LGR6: variants seen among roughly 807,000 people sequenced by gnomAD.
The protein encoded by LGR6 is leucine-rich repeat-containing G protein-coupled receptor 6.
In LGR6, 45 loss-of-function variants were observed where a neutral mutation model predicts 69.4. That is an observed-to-expected ratio of 0.65 (90% CI 0.51 to 0.83). The LOEUF is 0.83. LGR6 is among the 40% of genes least tolerant of loss of function. The probability of loss-of-function intolerance (pLI) is 0.00; values close to 1 mark genes in which losing one functional copy is unlikely to be tolerated. For synonymous variants in LGR6, 538 were observed against 555.0 expected (o/e 0.97, Z 0.43); for missense variants, 1,108 against 1,246.7 (o/e 0.89, Z 1.68).
intron 1 of LGR6, among the ~76,000 whole-genome samples, chr1:202,205,561 C>T (rs376939412): frequency 6.9e-6 from 1 of 144,050 alleles, no homozygotes; most frequent in African/African-American, 2.6e-5. Context: ...ATATGCACAC[C>T]TCCTTCAAAC....
At chr1:202,229,087 G>A (rs1332788101) in intron 3 of LGR6, among the ~76,000 whole-genome samples, 1 of 152,180 alleles carries the variant, frequency 6.6e-6, no homozygotes, top group Non-Finnish European at 1.5e-5. Context: ...TGATGGGCTA[G>A]TGGTGGTCCT....
intron 17 of LGR6, 58 bp from the exon 18 acceptor site, chr1:202,317,894 C>T: frequency 6.0e-6 from 9 of 1,492,040 alleles, no homozygotes; most frequent in Non-Finnish European, 7.2e-6. Context: ...GACCTTGGTC[C>T]TGAAGACCTG....
chr1:202,303,003 G>A (rs1010875695), intron 9 of LGR6, among the ~76,000 whole-genome samples: 1 of 152,112 alleles, frequency 6.6e-6, no homozygotes, highest in African/African-American at 2.4e-5. Flanking sequence ...GCTTGCATGT[G>A]GGGTTTTTGC....
At chr1:202,214,190 G>A (rs1379987655) in intron 1 of LGR6, 4 of 1,533,176 alleles carry the variant, frequency 2.6e-6, no homozygotes, top group Admixed American at 2.3e-5. Flanking sequence ...CAGCGAGGGC[G>A]GGACAGAACC....
chr1:202,303,655 A>C (rs1465400694), intron 10 of LGR6, among the ~76,000 whole-genome samples: 1 of 152,226 alleles, frequency 6.6e-6, no homozygotes, highest in Non-Finnish European at 1.5e-5. Flanking sequence ...GATGGAGAGG[A>C]GGGTTGTGAA....
At chr1:202,305,423 TCAC>T (rs770070096) in intron 11 of LGR6, among the ~76,000 whole-genome samples, 16 of 152,142 alleles carry the variant, frequency 1.1e-4, no homozygotes, top group Non-Finnish European at 4.4e-5. Context: ...TGTTTCCTCT[TCAC>T]CACGCCCCTC....
chr1:202,194,413 AC>A, intron 1 of LGR6: 1 of 591,392 alleles, frequency 1.7e-6, no homozygotes, highest in South Asian at 2.1e-5. Context: ...GGCTTCCCTG[AC>A]TTGGCTTCCC....
At chr1:202,284,192 G>C (rs573990160) in intron 6 of LGR6, among the ~76,000 whole-genome samples, 1 of 152,180 alleles carries the variant, frequency 6.6e-6, no homozygotes, top group African/African-American at 2.4e-5. Flanking sequence ...TCGTAGGAAG[G>C]AAGCTCCCAG....
intron 1 of LGR6, among the ~76,000 whole-genome samples, chr1:202,198,666 AG>A (rs1309964505): frequency 1.1e-3 from 80 of 75,156 alleles, no homozygotes; most frequent in African/African-American, 3.5e-3. Flanking sequence ...GAGTAATTTT[AG>A]GTTTTTTTTT....
intron 4 of LGR6, among the ~76,000 whole-genome samples, chr1:202,247,308 C>G (rs930189924): frequency 1.3e-5 from 2 of 152,204 alleles, no homozygotes; most frequent in Non-Finnish European, 2.9e-5. Context: ...TAACAGGACC[C>G]ATCCCTCCAC....
chr1:202,276,141 G>A (rs1450709523), intron 4 of LGR6, 165 bp from the exon 5 acceptor site: 1 of 593,310 alleles, frequency 1.7e-6, no homozygotes, highest in Non-Finnish European at 3.0e-6. Flanking sequence ...AGCCAAATAT[G>A]GGAACTCGAA....
At chr1:202,316,921 G>A (rs779557156) in intron 17 of LGR6, among the ~76,000 whole-genome samples, 3 of 152,130 alleles carry the variant, frequency 2.0e-5, no homozygotes, top group South Asian at 2.1e-4. Context: ...CACGCATCTC[G>A]TGTGGACCTA....
chr1:202,223,861 C>T (rs1660327972), intron 1 of LGR6, among the ~76,000 whole-genome samples: 1 of 143,766 alleles, frequency 7.0e-6, no homozygotes, highest in African/African-American at 2.5e-5. Context: ...AAGGCACCAG[C>T]CCCTCTCCCA....
chr1:202,297,155 A>G (rs977314596), intron 6 of LGR6, among the ~76,000 whole-genome samples: 4 of 152,108 alleles, frequency 2.6e-5, no homozygotes, highest in African/African-American at 9.7e-5. Flanking sequence ...GATGTTAACG[A>G]TCACCCACTT....
intron 17 of LGR6, among the ~76,000 whole-genome samples, chr1:202,315,411 G>A (rs563252771): frequency 3.8e-4 from 58 of 152,300 alleles, no homozygotes; most frequent in African/African-American, 1.2e-3. Context: ...TTATAGTTGC[G>A]GAAGCCTCCT....
chr1:202,260,751 AT>A (rs1173282862), intron 4 of LGR6, among the ~76,000 whole-genome samples: 4 of 152,120 alleles, frequency 2.6e-5, no homozygotes, highest in Non-Finnish European at 5.9e-5. Flanking sequence ...TTGAGAATAT[AT>A]TTTTTTGTGG....
At chr1:202,270,247 G>GT (rs56357341) in intron 4 of LGR6, among the ~76,000 whole-genome samples, 17,430 of 144,368 alleles carry the variant, frequency 0.12, 1,110 homozygotes, top group Middle Eastern at 0.23. Flanking sequence ...TTTTGCTTTT[G>GT]TTTTTTTTTT....
intron 1 of LGR6, among the ~76,000 whole-genome samples, chr1:202,213,627 T>A (rs1659564686): frequency 6.6e-6 from 1 of 152,158 alleles, no homozygotes; most frequent in Admixed American, 6.5e-5. Context: ...CAGGAGGGGC[T>A]CTGTTGGTTA....
Position 202,300,730 on chromosome 1 carries a change from A to G in LGR6, c.786-119A>G, listed in dbSNP as rs117301207. ...ATCTGAACCTGGAATCTCCAGGCCA[A>G]TGCCTCTTTTGTCTTATGGACTGTC... On this transcript the variant is annotated intron_variant, in intron 7 of 17. Transcript: ENST00000367278. The G allele has an allele frequency of 3.7e-4, 225 of 604,400 alleles. 1 individual carries two copies. In the East Asian group the frequency reaches 5.8e-3, roughly 16 times the overall value. The allele number at this position is 604,400 out of a possible 1,614,324, so 37.4% of individuals were successfully genotyped here. A position where few individuals can be genotyped will look rare whatever the true frequency, so the allele number is the denominator to read the frequency against.
Sources: allele counts gnomAD v4.1 joint callset (sites outside exome capture counted in the v4.1 genomes callset), GRCh38; gene constraint gnomAD v4.1.1; transcripts MANE v1.5; gene names NCBI Gene and HGNC (gene_info 2026-07-23, HGNC 2026-07-21).